Variants in USP13 observed in about 807,000 individuals in gnomAD.
USP13 encodes the protein ubiquitin specific peptidase 13.
Under a neutral mutation model 107.8 loss-of-function variants are expected in USP13, and 68 were observed. The ratio of observed to expected loss-of-function variants is 0.63; its 90% CI spans 0.52 to 0.77. The LOEUF (loss-of-function observed/expected upper bound fraction) is 0.77, where lower values mean the gene tolerates loss of function less well. USP13 is among the 30% of genes least tolerant of loss of function. The probability of loss-of-function intolerance (pLI) is 0.00; values close to 1 mark genes in which losing one functional copy is unlikely to be tolerated. For synonymous variants in USP13, 377 were observed against 389.5 expected (o/e 0.97, Z 0.38); for missense variants, 945 against 1,093.3 (o/e 0.86, Z 1.91).
intron 20 of USP13, 139 bp downstream of exon 20, chr3:179,781,962 T>C: frequency 3.0e-6 from 2 of 665,092 alleles, no homozygotes; most frequent in Non-Finnish European, 5.0e-6. Flanking sequence ...GTTAACGCCC[T>C]TTTGCACATC....
intron 14 of USP13, among the ~76,000 whole-genome samples, chr3:179,752,983 A>G (rs1714664105): frequency 6.6e-6 from 1 of 152,206 alleles, no homozygotes; most frequent in African/African-American, 2.4e-5. Flanking sequence ...GTTCCTGACC[A>G]TTGTTAGAGG....
At chr3:179,774,928 C>G (rs1188023960) in intron 19 of USP13, among the ~76,000 whole-genome samples, 4 of 152,058 alleles carry the variant, frequency 2.6e-5, no homozygotes, top group Non-Finnish European at 5.9e-5. Context: ...TCTAGCTAGA[C>G]ATAAAAGTTC....
intron 1 of USP13, among the ~76,000 whole-genome samples, chr3:179,663,848 T>C (rs13100655): frequency 0.099 from 15,105 of 152,250 alleles, 1,182 homozygotes; most frequent in East Asian, 0.4. Flanking sequence ...TGGCCTGGAA[T>C]GCATTCTCTC....
chr3:179,769,555 G>A (rs1027547643), intron 19 of USP13, among the ~76,000 whole-genome samples: 4 of 152,116 alleles, frequency 2.6e-5, no homozygotes, highest in Admixed American at 2.0e-4. Context: ...TTACAGGCAT[G>A]CACCATCATA....
chr3:179,683,675 G>A (rs940239624), intron 2 of USP13, among the ~76,000 whole-genome samples: 4 of 152,160 alleles, frequency 2.6e-5, no homozygotes, highest in African/African-American at 4.8e-5. Flanking sequence ...ACCTCCCACC[G>A]GATTCCTCCC....
rs369742735 is a variant in USP13, at chr3:179,781,687, C to T, written c.2414-52C>T. 3.8e-5 allele frequency: 57 copies of T among 1,502,612 alleles called. No homozygotes were observed. In the African/African-American group the frequency reaches 6.5e-4, roughly 17 times the overall value. 93.1% of individuals were successfully genotyped at this position (1,502,612 alleles called of 1,614,324 possible). ...TGGTTTTAAATTCTAACCAGAAGTGCTCTTCATTCTGGAAATGCTGCCTTG... is the reference window on the plus strand; with the variant it reads ...TGGTTTTAAATTCTAACCAGAAGTGTTCTTCATTCTGGAAATGCTGCCTTG... On this transcript the variant is annotated intron_variant, in intron 19 of 20. Transcript: ENST00000263966.
intron 10 of USP13, among the ~76,000 whole-genome samples, chr3:179,734,782 C>G (rs898984873): frequency 6.6e-6 from 1 of 152,242 alleles, no homozygotes; most frequent in African/African-American, 2.4e-5. Flanking sequence ...CAACAGACTT[C>G]ATACACTTTT....
intron 15 of USP13, among the ~76,000 whole-genome samples, chr3:179,755,506 G>A (rs762360494): frequency 1.4e-4 from 21 of 152,110 alleles, no homozygotes; most frequent in Admixed American, 5.9e-4. Context: ...CACCTTGTGA[G>A]CGAGGATGGT....
chr3:179,684,109 C>T lies in USP13; in HGVS notation c.294+2106C>T, dbSNP rs369066034. Among the ~76,000 whole-genome samples, 17 of 151,426 alleles carry T rather than the reference C, an allele frequency of 1.1e-4. No individual in the cohort carries two copies. In the East Asian group the frequency reaches 2.0e-3, roughly 18 times the overall value. On this transcript the variant is annotated intron_variant, in intron 2 of 20. Coordinates refer to ENST00000263966, the MANE Select transcript of USP13 (RefSeq NM_003940.3). ...CTGAGTAGCTGGGACTACAGGTGCGCGCCACCATGCCCGGCTAACTTTTGT... is the reference window on the plus strand; with the variant it reads ...CTGAGTAGCTGGGACTACAGGTGCGTGCCACCATGCCCGGCTAACTTTTGT...
intron 19 of USP13, among the ~76,000 whole-genome samples, chr3:179,771,987 T>C (rs138760282): frequency 6.6e-6 from 1 of 152,174 alleles, no homozygotes; most frequent in South Asian, 2.1e-4. Flanking sequence ...TCACTGCTTA[T>C]AGGGAGGTAT....
chr3:179,728,843 G>A (rs1351805503), intron 8 of USP13, among the ~76,000 whole-genome samples: 3 of 152,138 alleles, frequency 2.0e-5, no homozygotes, highest in Non-Finnish European at 4.4e-5. Context: ...CCAGTCAGGC[G>A]TGGCGGCGCG....
intron 17 of USP13, among the ~76,000 whole-genome samples, 179 bp from the exon 18 acceptor site, chr3:179,763,823 C>T (rs1436007379): frequency 2.6e-5 from 4 of 152,048 alleles, no homozygotes; most frequent in Admixed American, 6.6e-5. Flanking sequence ...TGACCTCAGG[C>T]GATCCACTCG....
At chr3:179,690,143 C>A in intron 2 of USP13, 98 bp from the exon 3 acceptor site, 2 of 1,124,938 alleles carry the variant, frequency 1.8e-6, no homozygotes, top group African/African-American at 1.6e-5. Context: ...TTCTTCTTGG[C>A]CTTCTGTAAA....
At chr3:179,682,719 T>G (rs1311954736) in intron 2 of USP13, among the ~76,000 whole-genome samples, 1 of 152,234 alleles carries the variant, frequency 6.6e-6, no homozygotes, top group African/African-American at 2.4e-5. Context: ...CTTCTCGTAT[T>G]GATGAACATT....
chr3:179,686,762 TC>T (rs1456143107), intron 2 of USP13, among the ~76,000 whole-genome samples: 8 of 152,256 alleles, frequency 5.3e-5, no homozygotes, highest in African/African-American at 1.9e-4. Context: ...AGGTTGTCAG[TC>T]ACCTCTTAGG....
In USP13 at chr3:179,771,126, G is replaced by C. The variant is rs1715330101; in HGVS notation, c.2413+5278G>C. On this transcript the variant is annotated intron_variant, in intron 19 of 20. Transcript: ENST00000263966. ...TTCAGGACTCAAATCCTTTTAGCTG[G>C]ATGGGCCCCTTGGCTCTGCTTCCTC... 2.0e-5 allele frequency among the ~76,000 whole-genome samples: 3 copies of C among 152,310 alleles called. No individual in the cohort carries two copies. The South Asian group carries it at 6.2e-4, about 32-fold the overall frequency.
Position 179,744,939 on chromosome 3 carries a change from T to C in USP13, c.1535-104T>C, listed in dbSNP as rs1714343561. On this transcript the variant is annotated intron_variant, in intron 12 of 20. Coordinates refer to ENST00000263966, the MANE Select transcript of USP13 (RefSeq NM_003940.3). ...GTAAAGGGCGACAAATAAGCAACTC[T>C]GGCCCAGCGCAGAAGCCTTCAGGGA... The C allele has an allele frequency of 2.1e-6, 3 of 1,418,840 alleles. No individual in the cohort carries two copies. In the Admixed American group the frequency reaches 6.4e-5, roughly 30 times the overall value. The allele number at this position is 1,418,840 out of a possible 1,614,324, so 87.9% of individuals were successfully genotyped here.
chr3:179,773,176 T>C lies in USP13; in HGVS notation c.2413+7328T>C, dbSNP rs146043300. Among the ~76,000 whole-genome samples, 303 of 152,340 alleles carry C rather than the reference T, an allele frequency of 2.0e-3. 3 individuals are homozygous for C. The highest frequency in any genetic ancestry group is 7.0e-3 in the African/African-American group (293 of 41,574). Reference sequence around the variant, plus strand: ...ATGAATACCTTGTGGGGGAAAAGCATATCCCAGATAAATACCCAGATATTG... The same window carrying C: ...ATGAATACCTTGTGGGGGAAAAGCACATCCCAGATAAATACCCAGATATTG... On this transcript the variant is annotated intron_variant, in intron 19 of 20. Transcript: ENST00000263966.
chr3:179,770,260 A>G (rs1715304893), intron 19 of USP13, among the ~76,000 whole-genome samples: 1 of 152,212 alleles, frequency 6.6e-6, no homozygotes, highest in Admixed American at 6.5e-5. Context: ...AGCCAGAAAC[A>G]TATGCTTCTC....
Sources: gnomAD v4.1 joint callset for allele counts (sites outside exome capture counted in the v4.1 genomes callset) on GRCh38, gnomAD v4.1.1 for gene constraint, MANE v1.5 for transcripts, NCBI Gene and HGNC (gene_info 2026-07-23, HGNC 2026-07-21) for gene names.